PREP: variants seen among roughly 807,000 people sequenced by gnomAD.
PREP encodes the protein dJ355L5.1 (prolyl endopeptidase).
Under a neutral mutation model 87.6 loss-of-function variants are expected in PREP, and 29 were observed. That is an observed-to-expected ratio of 0.33 (90% CI 0.25 to 0.45). The LOEUF (loss-of-function observed/expected upper bound fraction) is 0.45. Among genes scored for constraint, PREP ranks in the 20% least tolerant of loss-of-function variants. The pLI, the probability that PREP is intolerant of heterozygous loss-of-function variation, is 1.00. For missense variants in PREP, 695 were observed against 886.5 expected, an observed-to-expected ratio of 0.78 and a Z score of 2.74; for synonymous variants, 337 against 328.6, an observed-to-expected ratio of 1.03 and a Z score of -0.28.
chr6:105,287,254 G>A (rs1770207739), intron 11 of PREP, among the ~76,000 whole-genome samples: 1 of 151,734 alleles, frequency 6.6e-6, no homozygotes, highest in African/African-American at 2.4e-5. Context: ...TCGTTGCCTG[G>A]GAAACTTTGG....
chr6:105,331,154 A>G (rs1027232596), intron 8 of PREP, among the ~76,000 whole-genome samples: 1 of 152,180 alleles, frequency 6.6e-6, no homozygotes, highest in Non-Finnish European at 1.5e-5. Context: ...TCTAGTTTTT[A>G]TTCTCAATAG....
chr6:105,337,601 C>T (rs1263127640), intron 7 of PREP, among the ~76,000 whole-genome samples: 2 of 152,186 alleles, frequency 1.3e-5, no homozygotes, highest in Non-Finnish European at 2.9e-5. Context: ...CCCAATTATG[C>T]TTTATTTCCT....
Position 105,329,705 on chromosome 6 carries a change from C to T in PREP, c.1016-679G>A, listed in dbSNP as rs1771271364. 2.0e-5 allele frequency among the ~76,000 whole-genome samples: 3 copies of T among 152,160 alleles called. No homozygotes were observed. In the East Asian group the frequency reaches 5.8e-4, roughly 29 times the overall value. On this transcript the variant is annotated intron_variant, in intron 8 of 14. Coordinates refer to ENST00000652536, the MANE Select transcript of PREP (RefSeq NM_002726.5). ...GTTTATTAGATAAAAATGTAATAAG[C>T]CCTTGTTATCCACCAGATTCCCTGC...
chr6:105,360,786 GT>G (rs1221467391), intron 6 of PREP, among the ~76,000 whole-genome samples: 23 of 152,294 alleles, frequency 1.5e-4, no homozygotes, highest in Admixed American at 1.4e-3. Context: ...AGGGAATCTA[GT>G]CCCAAATAAA....
intron 10 of PREP, among the ~76,000 whole-genome samples, chr6:105,301,460 G>T (rs563611477): frequency 1.3e-5 from 2 of 152,314 alleles, no homozygotes; most frequent in East Asian, 3.9e-4. Context: ...AGCATATGAA[G>T]AACTTCCTAG....
rs145682559 is a variant in PREP, at chr6:105,368,968, C to T, written c.652G>A (p.Asp218Asn). The T allele has an allele frequency of 4.8e-5, 77 of 1,613,984 alleles. No individual in the cohort carries two copies. Among genetic ancestry groups the T allele is most frequent in the South Asian group, 8.8e-5 (8 of 91,070 alleles). Residue 218 changes from aspartate to asparagine, a missense_variant, in exon 6 of 15, where the codon GAT (aspartate) becomes AAT (asparagine). Around this residue, in one of 5 missense-constraint regions of PREP, gnomAD observed 517 missense variants for 620.3 expected, o/e 0.83. Coordinates refer to ENST00000652536, the MANE Select transcript of PREP (RefSeq NM_002726.5). ...QKLYYHVLGTDQSEDILCAEF... is the reference protein window; with the variant it reads ...QKLYYHVLGTNQSEDILCAEF... ...GCACACAAAATATCTTCTGACTGATCGGTTCCCAAGACATGGTAGTAGAGC... is the reference window on the plus strand; with the variant it reads ...GCACACAAAATATCTTCTGACTGATTGGTTCCCAAGACATGGTAGTAGAGC...
intron 10 of PREP, 95 bp from the exon 11 acceptor site, chr6:105,288,989 T>C (rs1770244717): frequency 1.6e-6 from 2 of 1,285,466 alleles, no homozygotes; most frequent in South Asian, 2.7e-5. Context: ...CTCTTCATGA[T>C]GTACAGTAGC....
At chr6:105,351,615 GTATA>G (rs1771954060) in intron 7 of PREP, among the ~76,000 whole-genome samples, 1 of 152,164 alleles carries the variant, frequency 6.6e-6, no homozygotes, top group Non-Finnish European at 1.5e-5. Flanking sequence ...TAGCAGTCTG[GTATA>G]TAAATATGTG....
intron 10 of PREP, among the ~76,000 whole-genome samples, chr6:105,295,423 T>C (rs951594482): frequency 6.6e-6 from 1 of 152,060 alleles, no homozygotes; most frequent in Admixed American, 6.6e-5. Context: ...AGACTCAAAT[T>C]TCTCCTATCC....
At chr6:105,308,438 T>C (rs547547078) in intron 10 of PREP, among the ~76,000 whole-genome samples, 10 of 152,138 alleles carry the variant, frequency 6.6e-5, no homozygotes, top group South Asian at 2.1e-4. Context: ...GCTAGGAAAA[T>C]AGACAAATTT....
Position 105,274,325 on chromosome 6 carries a change from T to C in PREP, c.*3819A>G, listed in dbSNP as rs1470160520. On this transcript the variant is annotated 3_prime_UTR_variant, in exon 15 of 15. Coordinates refer to ENST00000652536, the MANE Select transcript of PREP (RefSeq NM_002726.5). ...GGGGGTCTCTCCTTGGGCTCTAATA[T>C]AAAGGCACCAGTCCCATTCATGAGG... Among the ~76,000 whole-genome samples the C allele has an allele frequency of 6.6e-6, 1 of 152,062 alleles. No individual in the cohort carries two copies. The highest frequency in any genetic ancestry group is 6.5e-5 in the Admixed American group (1 of 15,288).
At chr6:105,291,952 C>T (rs1481990049) in intron 10 of PREP, among the ~76,000 whole-genome samples, 1 of 152,200 alleles carries the variant, frequency 6.6e-6, no homozygotes, top group Non-Finnish European at 1.5e-5. Context: ...AAAAGCAACT[C>T]CTTATCCATT....
intron 6 of PREP, among the ~76,000 whole-genome samples, chr6:105,361,727 T>C (rs1772251341): frequency 6.6e-6 from 1 of 152,238 alleles, no homozygotes; most frequent in Admixed American, 6.5e-5. Flanking sequence ...ATTCCTTTCA[T>C]AATAGTTGTG....
intron 7 of PREP, among the ~76,000 whole-genome samples, chr6:105,340,194 T>G (rs1192706980): frequency 6.6e-6 from 1 of 152,154 alleles, no homozygotes; most frequent in Non-Finnish European, 1.5e-5. Context: ...AGCAGATCTC[T>G]CGGCAGAAAC....
At chr6:105,345,309 A>C (rs939801795) in intron 7 of PREP, among the ~76,000 whole-genome samples, 1 of 152,166 alleles carries the variant, frequency 6.6e-6, no homozygotes, top group Non-Finnish European at 1.5e-5. Flanking sequence ...ATAAAGTGGC[A>C]TTATTCACTC....
intron 7 of PREP, among the ~76,000 whole-genome samples, chr6:105,346,150 AG>A (rs1269374085): frequency 3.3e-4 from 50 of 150,508 alleles, no homozygotes; most frequent in African/African-American, 1.2e-3. Context: ...GGCCCTCCTC[AG>A]AGAGGTTTGC....
chr6:105,333,164 G>A (rs55653749), intron 8 of PREP, 150 bp downstream of exon 8: 55,195 of 682,702 alleles, frequency 0.081, 3,112 homozygotes, highest in African/African-American at 0.2. Flanking sequence ...ATGAAAACTT[G>A]GATGAACTAT....
chr6:105,359,309 C>T (rs1772181750), intron 6 of PREP, among the ~76,000 whole-genome samples: 1 of 152,112 alleles, frequency 6.6e-6, no homozygotes, highest in African/African-American at 2.4e-5. Flanking sequence ...GCAAGAAGTA[C>T]AATGTATGAT....
chr6:105,293,313 G>A (rs112534207), intron 10 of PREP, among the ~76,000 whole-genome samples: 3 of 152,236 alleles, frequency 2.0e-5, no homozygotes, highest in African/African-American at 7.2e-5. Context: ...CCCAAGGAGA[G>A]GGAGTGAGAC....
Sources: allele counts gnomAD v4.1 joint callset (sites outside exome capture counted in the v4.1 genomes callset), GRCh38; gene constraint gnomAD v4.1.1; regional missense constraint gnomAD v4.1.1; transcripts MANE v1.5; gene names NCBI Gene and HGNC (gene_info 2026-07-23, HGNC 2026-07-21).